Variants in RPP38 observed in about 807,000 individuals in gnomAD.
RPP38 encodes ribonuclease P/MRP subunit p38.
In RPP38, 2 loss-of-function variants were observed where a neutral mutation model predicts 1.7. The ratio of observed to expected loss-of-function variants is 1.18; its 90% confidence interval spans 0.48 to 3.70. The LOEUF is 3.70. RPP38 is among the 30% of genes most tolerant of loss of function. The probability of loss-of-function intolerance (pLI) is 0.07; values close to 1 mark genes in which losing one functional copy is unlikely to be tolerated. For missense variants in RPP38, 358 were observed against 340.1 expected (o/e 1.05, Z -0.41); for synonymous variants, 151 against 131.8 (o/e 1.15, Z -1.00).
chr10:15,098,445 C>T (rs1217878557), intron 1 of RPP38, among the ~76,000 whole-genome samples: 1 of 150,962 alleles, frequency 6.6e-6, no homozygotes, highest in East Asian at 2.0e-4. Context: ...TAGTCTCGAT[C>T]TACTGACCTC....
chr10:15,102,983 T>G, intron 2 of RPP38: 5 of 171,364 alleles, frequency 2.9e-5, no homozygotes, highest in Admixed American at 5.8e-5. Context: ...AGGTCAGGAG[T>G]TTGAGACCAG....
rs772202998 is a variant in RPP38, at chr10:15,100,685, C to CT, written c.-129-1518dup. Among the ~76,000 whole-genome samples, 402 of 143,758 alleles carry CT rather than the reference C, an allele frequency of 2.8e-3. 1 individual carries two copies. The highest frequency in any genetic ancestry group is 7.2e-3 in the Middle Eastern group (2 of 276). The allele number at this position is 143,758 out of a possible 152,430, so 94.3% of individuals were successfully genotyped here. On this transcript the variant is annotated intron_variant, in intron 1 of 2. Coordinates refer to ENST00000378197, the MANE Select transcript of RPP38 (RefSeq NM_183005.5). The stretch of plus-strand genomic sequence containing the variant: ...CTCTGAATCAGATTCACGAGGGCAA[C>CT]TTTTTTTTTTTTTTTGATATGGAGT...
chr10:15,099,052 C>T (rs1190361375), intron 1 of RPP38, among the ~76,000 whole-genome samples: 1 of 118,252 alleles, frequency 8.5e-6, no homozygotes, highest in Non-Finnish European at 1.6e-5. Flanking sequence ...CTCGTGGACT[C>T]TAAGCTCATG....
Position 15,104,204 on chromosome 10 carries a change from G to A in RPP38, c.*38G>A, listed in dbSNP as rs1845223886. The stretch of plus-strand genomic sequence containing the variant: ...TTGTCATGTCATACAGTTTGTGAAA[G>A]GACACCTTGTAAAGAAGCCTTGAAA... On this transcript the variant is annotated 3_prime_UTR_variant, in exon 3 of 3. Transcript: ENST00000378197. The A allele has an allele frequency of 2.0e-6, 3 of 1,527,492 alleles. No homozygotes were observed. The highest frequency in any genetic ancestry group is 1.8e-6 in the Non-Finnish European group (2 of 1,142,102). 94.6% of individuals were successfully genotyped at this position (1,527,492 alleles called of 1,614,324 possible).
chr10:15,099,246 C>T (rs757770506), intron 1 of RPP38, among the ~76,000 whole-genome samples: 11 of 152,092 alleles, frequency 7.2e-5, no homozygotes, highest in Non-Finnish European at 1.0e-4. Context: ...GTATGTTGTT[C>T]GGTGTTGAGG....
chr10:15,098,118 T>G (rs1490456597), intron 1 of RPP38, among the ~76,000 whole-genome samples: 1 of 152,048 alleles, frequency 6.6e-6, no homozygotes, highest in Non-Finnish European at 1.5e-5. Context: ...TGCTTCACAC[T>G]GGAACGCTTG....
At position 15,104,182 on chromosome 10, in the gene RPP38, T is replaced by C. The variant is rs1845222614; in HGVS notation, c.*16T>C. ...TCCAAAGTAATCTTGCATAAACTTG[T>C]CATGTCATACAGTTTGTGAAAGGAC... is the stretch of plus-strand genomic sequence containing the variant. On this transcript the variant is annotated 3_prime_UTR_variant, in exon 3 of 3. Transcript: ENST00000378197. 1 of 1,551,622 alleles carries C rather than the reference T, an allele frequency of 6.4e-7. No individual in the cohort carries two copies. The highest frequency in any genetic ancestry group is 1.2e-5 in the South Asian group (1 of 80,542).
chr10:15,101,193 G>A (rs1315641066), intron 1 of RPP38, among the ~76,000 whole-genome samples: 1 of 152,348 alleles, frequency 6.6e-6, no homozygotes, highest in South Asian at 2.1e-4. Context: ...CACATTGGGG[G>A]ATTCTATAGG....
chr10:15,103,288 A>G lies in RPP38; in HGVS notation c.-10-17A>G, dbSNP rs1291713124. 7.7e-6 allele frequency: 12 copies of G among 1,548,632 alleles called. No homozygotes were observed. In the South Asian group the frequency reaches 1.4e-4, roughly 18 times the overall value. ...GCTAACATGAATTTTTTCTGTTGTC[A>G]TTTTGCTTCTTGGAAGGATTTTCAA... On this transcript the variant is annotated splice_polypyrimidine_tract_variant and intron_variant, in intron 2 of 2. Coordinates refer to ENST00000378197, the MANE Select transcript of RPP38 (RefSeq NM_183005.5).
In RPP38 at chr10:15,103,928, T is replaced by TAA. The variant is rs775272034; in HGVS notation, c.615_616insAA (p.Pro206AsnfsTer15). The TAA allele has an allele frequency of 1.9e-6, 3 of 1,614,190 alleles. No individual in the cohort carries two copies. Among genetic ancestry groups the TAA allele is most frequent in the Non-Finnish European group, 2.5e-6 (3 of 1,180,036 alleles). On this transcript the variant is annotated frameshift_variant, in exon 3 of 3. Transcript: ENST00000378197. LOFTEE classifies it low-confidence loss of function (END_TRUNC). ...ATCCCCAGAGTCCCCAGTTTAAGTG[T>TAA]ACCATGGCTTCAAGACAGAATTGAA...
At chr10:15,099,139 G>C (rs953533288) in intron 1 of RPP38, among the ~76,000 whole-genome samples, 2 of 152,200 alleles carry the variant, frequency 1.3e-5, no homozygotes, top group Non-Finnish European at 2.9e-5. Context: ...TTGAAGAAAG[G>C]AAGGGGCCTG....
rs978439408 is a variant in RPP38 at position 15,103,611 on chromosome 10, G to A, written c.297G>A (p.Gln99=). 3 of 1,614,042 alleles carry A rather than the reference G, an allele frequency of 1.9e-6. No individual in the cohort carries two copies. In the African/African-American group the frequency reaches 4.0e-5, roughly 22 times the overall value. Reference sequence around the variant, plus strand: ...AGGAGAAGAAAACAGATGCTAAGCAGCAAGTGTCAGGGTGGACGCCTGCAC... The same window carrying A: ...AGGAGAAGAAAACAGATGCTAAGCAACAAGTGTCAGGGTGGACGCCTGCAC... ...NLKEKKTDAK[Q]QVSGWTPAHV... Residue 99 remains glutamine, a synonymous_variant, in exon 3 of 3, where the codon CAG becomes CAA. Transcript: ENST00000378197.
chr10:15,103,355 G>C lies in RPP38; in HGVS notation c.41G>C (p.Arg14Pro). Residue 14 changes from arginine (R) to proline (P), a missense_variant, in exon 3 of 3, where the codon CGT becomes CCT. Coordinates refer to ENST00000378197, the MANE Select transcript of RPP38 (RefSeq NM_183005.5). The part of the protein sequence containing the change: ...APQAPGRGSL[R>P]KTRPLVVKTS... ...CAAGCACCGGGGCGGGGATCTCTCCGTAAGACGAGACCTCTGGTTGTGAAG... is the reference window on the plus strand; with the variant it reads ...CAAGCACCGGGGCGGGGATCTCTCCCTAAGACGAGACCTCTGGTTGTGAAG... 6.2e-7 allele frequency: 1 copy of C among 1,606,714 alleles called. No individual in the cohort carries two copies. Among genetic ancestry groups the C allele is most frequent in the South Asian group, 1.1e-5 (1 of 89,056 alleles).
intron 1 of RPP38, among the ~76,000 whole-genome samples, chr10:15,101,387 G>T (rs1845103989): frequency 6.6e-6 from 1 of 152,100 alleles, no homozygotes; most frequent in African/African-American, 2.4e-5. Context: ...AGGAAGGAAG[G>T]GAAGAAAACT....
intron 1 of RPP38, among the ~76,000 whole-genome samples, chr10:15,100,505 A>T (rs1477324913): frequency 6.6e-6 from 1 of 152,012 alleles, no homozygotes; most frequent in Admixed American, 6.6e-5. Flanking sequence ...CGAGATGACC[A>T]GGGTGTGATC....
chr10:15,103,205 C>A, intron 2 of RPP38, 100 bp from the exon 3 acceptor site: 1 of 1,122,434 alleles, frequency 8.9e-7, no homozygotes, highest in Non-Finnish European at 1.2e-6. Context: ...AAAATAAATA[C>A]ATAAATAAAT....
At chr10:15,101,210 G>GT (rs1845099713) in intron 1 of RPP38, among the ~76,000 whole-genome samples, 1 of 152,230 alleles carries the variant, frequency 6.6e-6, no homozygotes, top group Admixed American at 6.5e-5. Context: ...TAGGAATGCT[G>GT]TAAGAAGCAA....
chr10:15,103,898 C>T lies in RPP38; in HGVS notation c.584C>T (p.Ala195Val), dbSNP rs1554818728. Reference protein sequence around the residue: ...NTTDFVDEVRAIIPRVPSLSV... With the variant: ...NTTDFVDEVRVIIPRVPSLSV... ...ACTGACTTTGTGGACGAAGTAAGAG[C>T]CATCATCCCCAGAGTCCCCAGTTTA... Residue 195 changes from alanine to valine, a missense_variant, in exon 3 of 3, where the codon GCC becomes GTC. Coordinates refer to ENST00000378197, the MANE Select transcript of RPP38 (RefSeq NM_183005.5). The T allele has an allele frequency of 2.5e-6, 4 of 1,614,150 alleles. No individual in the cohort carries two copies. The highest frequency in any genetic ancestry group is 3.4e-6 in the Non-Finnish European group (4 of 1,180,020).
intron 1 of RPP38, among the ~76,000 whole-genome samples, 158 bp from the exon 2 acceptor site, chr10:15,102,060 C>T (rs12267094): frequency 0.12 from 18,161 of 152,058 alleles, 1,129 homozygotes; most frequent in Middle Eastern, 0.21. Flanking sequence ...AAATATCACA[C>T]CTGATTGGTT....
Sources: gnomAD v4.1 joint callset for allele counts (sites outside exome capture counted in the v4.1 genomes callset) on GRCh38, gnomAD v4.1.1 for gene constraint, MANE v1.5 for transcripts, NCBI Gene and HGNC (gene_info 2026-07-23, HGNC 2026-07-21) for gene names.